The following PLIN5 variants were observed in gnomAD, a reference collection of about 807,000 sequenced individuals.
The protein encoded by PLIN5 is perilipin-5.
In PLIN5, 34 loss-of-function variants were observed where a neutral mutation model predicts 32.8. That is an observed-to-expected ratio of 1.04 (90% CI 0.79 to 1.38). PLIN5 has a LOEUF of 1.38. Ranked by LOEUF, PLIN5 falls within the 40% of genes most tolerant of loss-of-function variation. The pLI is 0.00. For synonymous variants in PLIN5, 309 were observed against 292.9 expected, an observed-to-expected ratio of 1.05 and a Z score of -0.56; for missense variants, 712 against 660.5, an observed-to-expected ratio of 1.08 and a Z score of -0.85.
At position 4,529,220 on chromosome 19, in the gene PLIN5, T is replaced by C. The variant is rs1976847163; in HGVS notation, c.373A>G (p.Ser125Gly). 3 of 1,611,100 alleles carry C rather than the reference T, an allele frequency of 1.9e-6. No individual in the cohort carries two copies. Among genetic ancestry groups the C allele is most frequent in the Admixed American group, 1.7e-5 (1 of 59,770 alleles). ...GCCAGGTCCACCACACCCGTGACAC[T>C]GCTGGCCACCACGTCCTTGGCTGAG... ...VTSAKDVVAS[S>G]VTGVVDLARR... The change falls in exon 5 of 8, where the codon AGT becomes GGT. Residue 125 changes from serine (S) to glycine (G), a missense_variant. Transcript: ENST00000381848.
At chr19:4,524,219 C>T in intron 7 of PLIN5, 134 bp from the exon 8 acceptor site, 1 of 895,328 alleles carries the variant, frequency 1.1e-6, no homozygotes, top group Non-Finnish European at 1.5e-6. Flanking sequence ...CCCCTGTAGA[C>T]ACAGAATGTG....
Position 4,533,830 on chromosome 19 carries a change from C to T in PLIN5, c.60+185G>A, listed in dbSNP as rs1045899433. 1.6e-4 allele frequency: 110 copies of T among 667,776 alleles called. 1 individual carries two copies. In the South Asian group the frequency reaches 2.0e-3, roughly 12 times the overall value. 41.4% of individuals were successfully genotyped at this position (667,776 alleles called of 1,614,324 possible). A position where few individuals can be genotyped will look rare whatever the true frequency, so the allele number is the denominator to read the frequency against. On this transcript the variant is annotated intron_variant, in intron 2 of 7. Coordinates refer to ENST00000381848, the MANE Select transcript of PLIN5 (RefSeq NM_001013706.3). ...GGGTGTCTTTGAGAGACACTCCCCT[C>T]CCAGGGCCTCATTAAGCCCCCACTA...
Position 4,523,116 on chromosome 19 carries a change from G to T in PLIN5, c.*412C>A, listed in dbSNP as rs186378755. On this transcript the variant is annotated 3_prime_UTR_variant, in exon 8 of 8. Coordinates refer to ENST00000381848, the MANE Select transcript of PLIN5 (RefSeq NM_001013706.3). This position sits in a 1 kb window ranked among gnomAD's most constrained non-coding sequence, Gnocchi z 5.0. ...TTTCTTTCTTTCTAAGTAGAGACAG[G>T]GTTTCATCATGTTGGCCAGGATGAT... The T allele has an allele frequency of 2.4e-3, 383 of 160,248 alleles. 1 individual carries two copies. The highest frequency in any genetic ancestry group is 8.9e-3 in the African/African-American group (362 of 40,820). The allele number at this position is 160,248 out of a possible 1,614,324, so 9.9% of individuals were successfully genotyped here. A position where few individuals can be genotyped will look rare whatever the true frequency, so the allele number is the denominator to read the frequency against.
At chr19:4,527,815 AG>A (rs1209350023) in intron 5 of PLIN5, among the ~76,000 whole-genome samples, 1 of 151,782 alleles carries the variant, frequency 6.6e-6, no homozygotes, top group African/African-American at 2.4e-5. Context: ...ACTGCACTCC[AG>A]CCTGGGCAAC....
chr19:4,534,521 C>T (rs576816650), intron 1 of PLIN5, among the ~76,000 whole-genome samples: 3 of 152,280 alleles, frequency 2.0e-5, no homozygotes, highest in Admixed American at 1.3e-4. Context: ...TACCCACGTG[C>T]CACCATGCTC....
At chr19:4,533,067 T>C (rs1976905913) in intron 2 of PLIN5, 1 of 151,544 alleles carries the variant, frequency 6.6e-6, no homozygotes, top group African/African-American at 2.4e-5. Flanking sequence ...CCCAATTAGC[T>C]GGGATTCCAG....
At chr19:4,527,538 CAAAAAA>C (rs1176219746) in intron 5 of PLIN5, among the ~76,000 whole-genome samples, 5 of 29,680 alleles carry the variant, frequency 1.7e-4, no homozygotes. Flanking sequence ...GACTCCACTT[CAAAAAA>C]AAAAAAAAAA....
intron 2 of PLIN5, 33 bp downstream of exon 2, chr19:4,533,982 C>T (rs1976917505): frequency 6.2e-7 from 1 of 1,603,546 alleles, no homozygotes; most frequent in Non-Finnish European, 8.5e-7. Context: ...ACAATACCTT[C>T]TGTCCCTGCT....
At chr19:4,527,424 A>T (rs1323099251) in intron 5 of PLIN5, among the ~76,000 whole-genome samples, 1 of 147,524 alleles carries the variant, frequency 6.8e-6, no homozygotes, top group Non-Finnish European at 1.5e-5. Context: ...CTCTAGTTCC[A>T]TTTGTCTAGG....
rs1184480639 is a variant in PLIN5, at chr19:4,527,557, A to AC, written c.520+1515_520+1516insG. ...CCACTTCAAAAAAAAAAAAAAAAAA[A>AC]AAAAAAAAACAACAATGGTTGGGCG... On this transcript the variant is annotated intron_variant, in intron 5 of 7. Coordinates refer to ENST00000381848, the MANE Select transcript of PLIN5 (RefSeq NM_001013706.3). 4.7e-5 allele frequency among the ~76,000 whole-genome samples: 7 copies of AC among 149,018 alleles called. No individual in the cohort carries two copies. The East Asian group carries it at 1.4e-3, about 30-fold the overall frequency.
Position 4,525,130 on chromosome 19 carries a change from G to A in PLIN5, c.721-54C>T, listed in dbSNP as rs1599761142. 5 of 1,018,604 alleles carry A rather than the reference G, an allele frequency of 4.9e-6. No individual in the cohort carries two copies. The East Asian group carries it at 1.2e-4, about 25-fold the overall frequency. 63.1% of individuals were successfully genotyped at this position (1,018,604 alleles called of 1,614,324 possible). On this transcript the variant is annotated intron_variant, in intron 6 of 7. Transcript: ENST00000381848. This position sits in a 1 kb window ranked among gnomAD's most constrained non-coding sequence, Gnocchi z 5.6. The stretch of plus-strand genomic sequence containing the variant: ...AGCTGGGGGAGCTGGGGGAGCTGGG[G>A]GTCGGGGTGGGGTCCAGGACCACTG...
chr19:4,533,318 A>T (rs1035815027), intron 2 of PLIN5: 1 of 151,830 alleles, frequency 6.6e-6, no homozygotes, highest in Non-Finnish European at 1.5e-5. Flanking sequence ...CTGGTCTCGA[A>T]CTCCTGACCT....
At chr19:4,526,571 C>A (rs1976806395) in intron 5 of PLIN5, among the ~76,000 whole-genome samples, 1 of 152,118 alleles carries the variant, frequency 6.6e-6, no homozygotes, top group Non-Finnish European at 1.5e-5. Context: ...TTGGGTGCAG[C>A]AGCATGCACT....
intron 7 of PLIN5, among the ~76,000 whole-genome samples, 181 bp downstream of exon 7, chr19:4,524,782 G>A (rs772528366): frequency 1.3e-3 from 202 of 151,616 alleles, no homozygotes; most frequent in Admixed American, 3.3e-3. Flanking sequence ...CACACAATGG[G>A]ACTTAAACCT....
intron 3 of PLIN5, 96 bp from the exon 4 acceptor site, chr19:4,529,962 A>G: frequency 1.4e-6 from 1 of 697,078 alleles, no homozygotes; most frequent in South Asian, 2.5e-5. Flanking sequence ...TAGAGAGAGA[A>G]GCAGAGACAG....
In PLIN5 at chr19:4,525,038, CG is replaced by C; in HGVS notation, c.758del (p.Pro253ArgfsTer38). ...GCTCGTGCACCTTCCCAGGGCAGGC[CG>C]GGGCGGTGGGGGTCACCCCACACTG... ...HMQCGVTPTAPACPGKVHELW... is the reference protein window; with the variant it reads ...HMQCGVTPTAXACPGKVHELW... On this transcript the variant is annotated frameshift_variant, in exon 7 of 8. Coordinates refer to ENST00000381848, the MANE Select transcript of PLIN5 (RefSeq NM_001013706.3). LOFTEE classifies it high-confidence loss of function. This position sits in a 1 kb window ranked among gnomAD's most constrained non-coding sequence, Gnocchi z 5.6. 1 of 1,344,582 alleles carries C rather than the reference CG, an allele frequency of 7.4e-7. No homozygotes were observed. The highest frequency in any genetic ancestry group is 9.7e-7 in the Non-Finnish European group (1 of 1,033,762). 83.3% of individuals were successfully genotyped at this position (1,344,582 alleles called of 1,614,324 possible). A position where few individuals can be genotyped will look rare whatever the true frequency, so the allele number is the denominator to read the frequency against.
chr19:4,534,285 C>T (rs1976921948), intron 1 of PLIN5, 190 bp from the exon 2 acceptor site: 1 of 591,564 alleles, frequency 1.7e-6, no homozygotes, highest in Non-Finnish European at 3.0e-6. Context: ...AATAATGAGC[C>T]TCTGGCAAGG....
In PLIN5 at chr19:4,525,891, GGA is replaced by G. The variant is rs1183089721; in HGVS notation, c.521-61_521-60del. On this transcript the variant is annotated intron_variant, in intron 5 of 7. Transcript: ENST00000381848. The surrounding 1 kb of genome is among the most constrained non-coding windows in gnomAD (Gnocchi z 5.6). ...AGGATACGGGGACAGCACGGGGACA[GGA>G]TACGGGGACAGCACGGGGACAGGAT... The G allele has an allele frequency of 2.4e-5, 13 of 542,352 alleles. No homozygotes were observed. In the African/African-American group the frequency reaches 2.6e-4, roughly 11 times the overall value. 33.6% of individuals were successfully genotyped at this position (542,352 alleles called of 1,614,324 possible).
chr19:4,526,521 T>G (rs114088543), intron 5 of PLIN5, among the ~76,000 whole-genome samples: 4,254 of 152,288 alleles, frequency 0.028, 225 homozygotes, highest in African/African-American at 0.097. Flanking sequence ...ATGCCTGGCC[T>G]GCTTAACCAT....
Sources: gnomAD v4.1 joint callset for allele counts (sites outside exome capture counted in the v4.1 genomes callset) on GRCh38, gnomAD v4.1.1 for gene constraint, Gnocchi (gnomAD v3.1) non-coding constraint, MANE v1.5 for transcripts, NCBI Gene and HGNC (gene_info 2026-07-23, HGNC 2026-07-21) for gene names.